Variants in C8orf88 observed in about 807,000 individuals in gnomAD.
C8orf88 encodes the protein chromosome 8 open reading frame 88.
A neutral mutation model predicts 18.4 loss-of-function variants in C8orf88; 14 were observed. The ratio of observed to expected loss-of-function variants is 0.76; its 90% CI spans 0.50 to 1.19. The LOEUF (loss-of-function observed/expected upper bound fraction) is 1.19, where lower values mean the gene tolerates loss of function less well. C8orf88 is among the 50% of genes most tolerant of loss of function. C8orf88 has a pLI of 0.00. For missense variants in C8orf88, 116 were observed against 134.7 expected (o/e 0.86, Z 0.69); for synonymous variants, 45 against 42.9 (o/e 1.05, Z -0.19).
intron 2 of C8orf88, 73 bp downstream of exon 2, chr8:90,980,290 T>C: frequency 2.2e-6 from 2 of 897,640 alleles, no homozygotes; most frequent in Non-Finnish European, 3.1e-6. Flanking sequence ...ACTTTATATA[T>C]TATTTAGCTT....
Position 90,962,755 on chromosome 8 carries a change from C to G in C8orf88, c.224-1907G>C, listed in dbSNP as rs1424198285. On this transcript the variant is annotated intron_variant, in intron 4 of 5. Coordinates refer to ENST00000517562, the MANE Select transcript of C8orf88 (RefSeq NM_001190972.2). ...CATCTTGAGAAGCTTGCCTGTACTT[C>G]ACACCTAACTAAGAATTCTCCTAGC... is the stretch of plus-strand genomic sequence containing the variant. Among the ~76,000 whole-genome samples the G allele has an allele frequency of 2.0e-5, 3 of 151,578 alleles. No individual in the cohort carries two copies. The Admixed American group carries it at 2.0e-4, about 10-fold the overall frequency.
intron 1 of C8orf88, among the ~76,000 whole-genome samples, chr8:90,982,064 AATG>A (rs1811442278): frequency 6.6e-6 from 1 of 152,166 alleles, no homozygotes; most frequent in Non-Finnish European, 1.5e-5. Flanking sequence ...CAAAATTAGG[AATG>A]ATAAGTAAGC....
intron 1 of C8orf88, among the ~76,000 whole-genome samples, chr8:90,982,752 C>A (rs1471847): frequency 0.48 from 73,224 of 151,838 alleles, 20,658 homozygotes; most frequent in Non-Finnish European, 0.64. Context: ...TCATTCAGTA[C>A]TCTGTTTAAT....
At chr8:90,963,536 T>C (rs1811155939) in intron 4 of C8orf88, among the ~76,000 whole-genome samples, 1 of 151,824 alleles carries the variant, frequency 6.6e-6, no homozygotes, top group Non-Finnish European at 1.5e-5. Flanking sequence ...GCTTTCAATA[T>C]ACTATTTTAA....
At chr8:90,970,954 A>C (rs1470308023) in intron 4 of C8orf88, 112 bp downstream of exon 4, 1 of 586,170 alleles carries the variant, frequency 1.7e-6, no homozygotes, top group East Asian at 3.1e-5. Flanking sequence ...TCAATCAAAA[A>C]ATATATAATA....
chr8:90,959,946 G>T (rs1460519620), intron 5 of C8orf88, among the ~76,000 whole-genome samples: 1 of 151,384 alleles, frequency 6.6e-6, no homozygotes, highest in Admixed American at 6.6e-5. Context: ...ATCATACTCA[G>T]TAATCTCATG....
intron 3 of C8orf88, among the ~76,000 whole-genome samples, chr8:90,973,517 C>T (rs1189495202): frequency 6.6e-6 from 1 of 152,128 alleles, no homozygotes; most frequent in Non-Finnish European, 1.5e-5. Flanking sequence ...GCGTCTTGCT[C>T]TGTCACCCAG....
chr8:90,976,448 C>A (rs971262826), intron 3 of C8orf88, among the ~76,000 whole-genome samples: 4 of 151,886 alleles, frequency 2.6e-5, no homozygotes, highest in African/African-American at 9.7e-5. Context: ...TAATTTTTTA[C>A]ATATAAAGTG....
intron 4 of C8orf88, among the ~76,000 whole-genome samples, chr8:90,968,762 GCAACTCAATAACAAAA>G (rs1353711561): frequency 3.4e-5 from 5 of 146,258 alleles, no homozygotes; most frequent in African/African-American, 1.3e-4. Context: ...CAGAAGTCTT[GCAACTCAATAACAAAA>G]CAACTCAATA....
At chr8:90,980,487 A>T in intron 1 of C8orf88, 26 bp from the exon 2 acceptor site, 1 of 1,055,958 alleles carries the variant, frequency 9.5e-7, no homozygotes, top group Non-Finnish European at 1.4e-6. Context: ...ATACATTTTT[A>T]TCTTTTGGAC....
intron 4 of C8orf88, among the ~76,000 whole-genome samples, chr8:90,968,657 C>CATATATATATAGATATATATAT (rs1811239097): frequency 1.4e-5 from 1 of 72,800 alleles, no homozygotes; most frequent in African/African-American, 5.2e-5. Flanking sequence ...GAAAAGACAA[C>CATATATATATAGATATATATAT]ATATATATAT....
At chr8:90,976,708 G>T (rs1185148660) in intron 3 of C8orf88, among the ~76,000 whole-genome samples, 1 of 152,000 alleles carries the variant, frequency 6.6e-6, no homozygotes, top group Non-Finnish European at 1.5e-5. Flanking sequence ...CTATAAATCA[G>T]TGTGGAAAGG....
chr8:90,967,312 A>T (rs1811215277), intron 4 of C8orf88, among the ~76,000 whole-genome samples: 1 of 151,848 alleles, frequency 6.6e-6, no homozygotes, highest in African/African-American at 2.4e-5. Context: ...GATAATAAAA[A>T]GTTGTTAGTA....
intron 1 of C8orf88, among the ~76,000 whole-genome samples, chr8:90,984,390 T>C (rs1811474835): frequency 6.6e-6 from 1 of 152,070 alleles, no homozygotes; most frequent in Non-Finnish European, 1.5e-5. Context: ...AAGAGAAACA[T>C]ACAGGAAACA....
chr8:90,959,510 C>T (rs1322738207), intron 5 of C8orf88: 1 of 151,374 alleles, frequency 6.6e-6, no homozygotes, highest in Non-Finnish European at 1.5e-5. Context: ...AAAGTTGAAA[C>T]ATCAAGTACA....
intron 4 of C8orf88, among the ~76,000 whole-genome samples, chr8:90,966,002 A>C (rs1056226390): frequency 1.3e-5 from 2 of 151,816 alleles, no homozygotes; most frequent in African/African-American, 4.8e-5. Flanking sequence ...ATACTAGAAA[A>C]AAATGAACTA....
chr8:90,983,349 A>G (rs2631024), intron 1 of C8orf88, among the ~76,000 whole-genome samples: 111,732 of 152,038 alleles, frequency 0.73, 42,036 homozygotes, highest in African/African-American at 0.84. Flanking sequence ...AAGATCACAC[A>G]CACTTAACAA....
At chr8:90,970,512 C>T (rs1445659210) in intron 4 of C8orf88, among the ~76,000 whole-genome samples, 1 of 151,854 alleles carries the variant, frequency 6.6e-6, no homozygotes, top group Non-Finnish European at 1.5e-5. Flanking sequence ...TTTCTTTTTG[C>T]TTCAGTAATA....
chr8:90,978,662 G>A lies in C8orf88; in HGVS notation c.74-10C>T, dbSNP rs1375365554. ...AAAGGGAACACTGCTCCTGTTAGGA[G>A]AGGAAGAAAACAATTTCATAGATCT... On this transcript the variant is annotated splice_polypyrimidine_tract_variant and intron_variant, in intron 2 of 5. Transcript: ENST00000517562. 1 of 1,485,786 alleles carries A rather than the reference G, an allele frequency of 6.7e-7. No homozygotes were observed. Among genetic ancestry groups the A allele is most frequent in the Non-Finnish European group, 9.0e-7 (1 of 1,111,802 alleles). The allele number at this position is 1,485,786 out of a possible 1,614,324, so 92.0% of individuals were successfully genotyped here.
Sources: gnomAD v4.1 joint callset for allele counts (sites outside exome capture counted in the v4.1 genomes callset) on GRCh38, gnomAD v4.1.1 for gene constraint, MANE v1.5 for transcripts, NCBI Gene and HGNC (gene_info 2026-07-23, HGNC 2026-07-21) for gene names.